The following GALNT13 variants were observed in gnomAD, a reference collection of about 807,000 sequenced individuals.
GALNT13 encodes polypeptide N-acetylgalactosaminyltransferase 13, also known as UDP-GalNAc:polypeptide N-acetylgalactosaminyltransferase 13.
A neutral mutation model predicts 64.2 loss-of-function variants in GALNT13; 28 were observed. That is an observed-to-expected ratio of 0.44 (90% confidence interval 0.32 to 0.60). GALNT13 has a LOEUF of 0.60. Among genes scored for constraint, GALNT13 ranks in the 20% least tolerant of loss-of-function variants. The pLI, the probability that GALNT13 is intolerant of heterozygous loss-of-function variation, is 0.05. For missense variants in GALNT13, 577 were observed against 669.8 expected (o/e 0.86, Z 1.53); for synonymous variants, 214 against 224.6 (o/e 0.95, Z 0.42).
the GALNT13 span, among the ~76,000 whole-genome samples, chr2:153,326,666 T>C: frequency 6.6e-6 from 1 of 152,230 alleles, no homozygotes; most frequent in African/African-American, 2.4e-5. Context: ...CAGGAGCTCT[T>C]GTAAGGCAGG....
chr2:153,373,986 A>G, the GALNT13 span, among the ~76,000 whole-genome samples: 1 of 152,166 alleles, frequency 6.6e-6, no homozygotes, highest in African/African-American at 2.4e-5. Flanking sequence ...GTATGTATAT[A>G]CCACATTTTG....
At chr2:153,402,783 T>C in the GALNT13 span, among the ~76,000 whole-genome samples, 2 of 152,094 alleles carry the variant, frequency 1.3e-5, no homozygotes, top group African/African-American at 2.4e-5. Context: ...CTCCATCAGC[T>C]CCTTTAAGCA....
chr2:153,372,112 T>C, the GALNT13 span, among the ~76,000 whole-genome samples: 3 of 152,200 alleles, frequency 2.0e-5, no homozygotes, highest in African/African-American at 7.2e-5. Context: ...TGTTGAAATA[T>C]GTCCAGCTGT....
chr2:153,155,055 C>A, the GALNT13 span, among the ~76,000 whole-genome samples: 34 of 152,290 alleles, frequency 2.2e-4, no homozygotes, highest in South Asian at 4.1e-4. Context: ...GTTGAACCAA[C>A]CTTGCATCCT....
At chr2:154,257,294 A>G (rs952036819) in intron 7 of GALNT13, among the ~76,000 whole-genome samples, 1 of 152,184 alleles carries the variant, frequency 6.6e-6, no homozygotes, top group African/African-American at 2.4e-5. Flanking sequence ...AAAATGTGCC[A>G]GTACTTTATC....
intron 4 of GALNT13, among the ~76,000 whole-genome samples, chr2:154,212,994 G>A (rs1448609350): frequency 1.3e-5 from 2 of 152,136 alleles, no homozygotes; most frequent in Non-Finnish European, 2.9e-5. Flanking sequence ...AAAGGACTGA[G>A]TTAGTGTTTG....
At chr2:153,069,304 G>T in the GALNT13 span, among the ~76,000 whole-genome samples, 3 of 152,048 alleles carry the variant, frequency 2.0e-5, no homozygotes, top group Non-Finnish European at 4.4e-5. Flanking sequence ...GCTTGACAGG[G>T]TCTCTTATTG....
At chr2:153,600,049 GGATTAGAGAA>G in the GALNT13 span, among the ~76,000 whole-genome samples, 4 of 151,884 alleles carry the variant, frequency 2.6e-5, no homozygotes, top group Non-Finnish European at 5.9e-5. Flanking sequence ...GAGGCAGAGA[GGATTAGAGAA>G]ACTCTGCCCT....
intron 3 of GALNT13, among the ~76,000 whole-genome samples, chr2:154,032,946 A>G (rs1485137261): frequency 1.0e-5 from 1 of 97,080 alleles, no homozygotes; most frequent in African/African-American, 4.0e-5. Flanking sequence ...GATTTGTTTT[A>G]TAGATTGTTG....
At chr2:154,184,703 A>G (rs191753593) in intron 4 of GALNT13, among the ~76,000 whole-genome samples, 1 of 152,262 alleles carries the variant, frequency 6.6e-6, no homozygotes. Flanking sequence ...AGGGAGTAGA[A>G]GTGCCAGGCC....
At chr2:154,245,284 T>C (rs1689721294) in intron 6 of GALNT13, among the ~76,000 whole-genome samples, 1 of 152,168 alleles carries the variant, frequency 6.6e-6, no homozygotes, top group Non-Finnish European at 1.5e-5. Flanking sequence ...CATTTACTTA[T>C]ACTGACGGAT....
the GALNT13 span, among the ~76,000 whole-genome samples, chr2:153,377,676 G>A: frequency 6.6e-6 from 1 of 152,078 alleles, no homozygotes; most frequent in Non-Finnish European, 1.5e-5. Flanking sequence ...TTCTTGTACA[G>A]CTTGCAGAAC....
intron 3 of GALNT13, among the ~76,000 whole-genome samples, chr2:153,971,621 T>G (rs1693746480): frequency 1.3e-5 from 2 of 152,174 alleles, no homozygotes; most frequent in African/African-American, 4.8e-5. Flanking sequence ...AATATAAGCA[T>G]GCAAAATTTA....
At chr2:153,780,999 C>A in the GALNT13 span, among the ~76,000 whole-genome samples, 3 of 152,206 alleles carry the variant, frequency 2.0e-5, no homozygotes, top group East Asian at 3.9e-4. Flanking sequence ...TGACCATGTG[C>A]CTGTTTCTAA....
chr2:154,280,392 T>A (rs1010067726), intron 8 of GALNT13, among the ~76,000 whole-genome samples: 1 of 152,194 alleles, frequency 6.6e-6, no homozygotes, highest in African/African-American at 2.4e-5. Flanking sequence ...ATATATTTGC[T>A]GAATATATGC....
At chr2:153,238,542 C>T in the GALNT13 span, among the ~76,000 whole-genome samples, 45,356 of 151,840 alleles carry the variant, frequency 0.3, 7,659 homozygotes, top group Non-Finnish European at 0.39. Context: ...TTCATTCTTC[C>T]GCATGTGGAT....
chr2:153,697,985 C>T, the GALNT13 span, among the ~76,000 whole-genome samples: 16 of 152,230 alleles, frequency 1.1e-4, no homozygotes, highest in South Asian at 1.7e-3. Context: ...ATTTCATATC[C>T]GGCCAAACTA....
At position 154,121,174 on chromosome 2, in the gene GALNT13, GGAACATATGGATGTTTCA is replaced by G. The variant is rs149475828; in HGVS notation, c.143-19160_143-19143del. 3.1e-4 allele frequency among the ~76,000 whole-genome samples: 47 copies of G among 152,236 alleles called. No individual in the cohort carries two copies. In the East Asian group the frequency reaches 4.6e-3, roughly 15 times the overall value. Reference sequence around the variant, plus strand: ...TAAGTCAGATTTAATTCTGTTCTATGGAACATATGGATGTTTCAGACATATTTCCAAGTATTGGAATTT... The same window carrying G: ...TAAGTCAGATTTAATTCTGTTCTATGGACATATTTCCAAGTATTGGAATTT... On this transcript the variant is annotated intron_variant, in intron 3 of 12. Coordinates refer to ENST00000392825, the MANE Select transcript of GALNT13 (RefSeq NM_052917.4).
At chr2:154,180,462 C>G (rs1410309895) in intron 4 of GALNT13, among the ~76,000 whole-genome samples, 1 of 151,526 alleles carries the variant, frequency 6.6e-6, no homozygotes, top group Non-Finnish European at 1.5e-5. Context: ...TTTAAATTTA[C>G]ATTTACAATT....
Sources: allele counts gnomAD v4.1 joint callset (sites outside exome capture counted in the v4.1 genomes callset), GRCh38; gene constraint gnomAD v4.1.1; transcripts MANE v1.5; gene names NCBI Gene and HGNC (gene_info 2026-07-23, HGNC 2026-07-21).